Variants in ZNF438 observed in about 807,000 individuals in gnomAD.
ZNF438 encodes zinc finger protein 438.
A neutral mutation model predicts 38.0 loss-of-function variants in ZNF438; 25 were observed. The observed-to-expected ratio is 0.66, with a 90% CI of 0.48 to 0.92. The LOEUF (loss-of-function observed/expected upper bound fraction) is 0.92, where lower values mean the gene tolerates loss of function less well. Ranked by LOEUF, ZNF438 falls within the 40% of genes least tolerant of loss-of-function variation. ZNF438 has a pLI of 0.00. For missense variants in ZNF438, 1,007 were observed against 999.6 expected, an observed-to-expected ratio of 1.01 and a Z score of -0.10; for synonymous variants, 372 against 364.1, an observed-to-expected ratio of 1.02 and a Z score of -0.25.
Position 30,994,374 on chromosome 10 carries a change from T to C in ZNF438, c.-192+37459A>G, listed in dbSNP as rs544526925. Reference sequence around the variant, plus strand: ...GTACTTTTAAGAGGTGACTGGGTCATGAGGGTTCTGCTCTCATGAATGGAT... The same window carrying C: ...GTACTTTTAAGAGGTGACTGGGTCACGAGGGTTCTGCTCTCATGAATGGAT... On this transcript the variant is annotated intron_variant, in intron 1 of 5. Transcript: ENST00000413025. 1.4e-4 allele frequency among the ~76,000 whole-genome samples: 22 copies of C among 152,346 alleles called. No homozygotes were observed. In the East Asian group the frequency reaches 3.5e-3, roughly 24 times the overall value.
intron 2 of ZNF438, among the ~76,000 whole-genome samples, chr10:30,937,994 G>A (rs923565372): frequency 3.3e-5 from 5 of 152,056 alleles, no homozygotes; most frequent in African/African-American, 9.7e-5. Flanking sequence ...TCAGAACCAC[G>A]AGGGGAGCTT....
At chr10:30,907,485 T>C (rs905668724) in intron 3 of ZNF438, among the ~76,000 whole-genome samples, 34 of 152,194 alleles carry the variant, frequency 2.2e-4, no homozygotes, top group African/African-American at 7.5e-4. Flanking sequence ...TGAGGACATA[T>C]GGGCCTGGGT....
chr10:30,847,848 C>T (rs1178163185), intron 5 of ZNF438, among the ~76,000 whole-genome samples: 2 of 152,262 alleles, frequency 1.3e-5, no homozygotes, highest in Admixed American at 6.5e-5. Context: ...ACCCCACGCT[C>T]ACTCACACAT....
chr10:30,894,504 A>G (rs949613580), intron 3 of ZNF438, among the ~76,000 whole-genome samples: 2 of 152,182 alleles, frequency 1.3e-5, no homozygotes, highest in Non-Finnish European at 2.9e-5. Flanking sequence ...GGCTCATTTT[A>G]ATCCTTGTAA....
chr10:30,972,625 C>T (rs2050872256), intron 1 of ZNF438, among the ~76,000 whole-genome samples: 1 of 152,148 alleles, frequency 6.6e-6, no homozygotes. Context: ...CAGACTCAGC[C>T]TGGGCCCCTT....
At chr10:30,862,180 A>G (rs1164292789) in intron 4 of ZNF438, among the ~76,000 whole-genome samples, 1 of 152,216 alleles carries the variant, frequency 6.6e-6, no homozygotes, top group Non-Finnish European at 1.5e-5. Context: ...TTGCCGAGTC[A>G]GCTGTTTCTC....
chr10:30,998,989 G>A (rs1041698887), intron 1 of ZNF438, among the ~76,000 whole-genome samples: 1 of 152,032 alleles, frequency 6.6e-6, no homozygotes, highest in African/African-American at 2.4e-5. Context: ...ATCAGAAGAC[G>A]GAAAATCAAC....
chr10:30,871,842 C>T (rs551476474), intron 4 of ZNF438, among the ~76,000 whole-genome samples: 1 of 152,188 alleles, frequency 6.6e-6, no homozygotes, highest in African/African-American at 2.4e-5. Flanking sequence ...AGCTGTACAG[C>T]ACATGTCCAG....
chr10:30,946,090 C>A (rs1306006075), intron 1 of ZNF438, among the ~76,000 whole-genome samples: 1 of 150,484 alleles, frequency 6.6e-6, no homozygotes, highest in African/African-American at 2.5e-5. Flanking sequence ...TTAATGATTG[C>A]CATTCTAACT....
At chr10:31,006,693 A>G (rs748735072) in intron 1 of ZNF438, among the ~76,000 whole-genome samples, 13 of 137,510 alleles carry the variant, frequency 9.5e-5, no homozygotes, top group African/African-American at 3.5e-4. Flanking sequence ...GGGATCTGAC[A>G]CTCTCTCCAG....
chr10:31,003,067 G>A (rs927932228), intron 1 of ZNF438, among the ~76,000 whole-genome samples: 1 of 152,106 alleles, frequency 6.6e-6, no homozygotes, highest in African/African-American at 2.4e-5. Flanking sequence ...GAACACGTCT[G>A]ACTCCCATGG....
chr10:30,878,734 C>T (rs778135824), intron 3 of ZNF438, among the ~76,000 whole-genome samples: 3 of 152,160 alleles, frequency 2.0e-5, no homozygotes, highest in Non-Finnish European at 4.4e-5. Context: ...CTGGGGATCA[C>T]AGGCACTCCC....
At chr10:30,854,779 G>C (rs1057151054) in intron 4 of ZNF438, among the ~76,000 whole-genome samples, 8 of 152,108 alleles carry the variant, frequency 5.3e-5, no homozygotes, top group Non-Finnish European at 1.0e-4. Context: ...CACACAGAGA[G>C]GAAGAGTGGG....
intron 4 of ZNF438, among the ~76,000 whole-genome samples, chr10:30,876,744 G>C (rs1169477240): frequency 3.3e-5 from 5 of 152,168 alleles, no homozygotes; most frequent in African/African-American, 1.2e-4. Context: ...GCAGGGCTCT[G>C]TGAGTTTTGG....
chr10:31,017,503 A>T (rs560115759), intron 1 of ZNF438, among the ~76,000 whole-genome samples: 2 of 152,360 alleles, frequency 1.3e-5, no homozygotes, highest in African/African-American at 4.8e-5. Context: ...TAATCTCCTA[A>T]AAATTTCAAA....
At chr10:30,987,930 AT>A (rs1165319813) in intron 1 of ZNF438, among the ~76,000 whole-genome samples, 1 of 152,216 alleles carries the variant, frequency 6.6e-6, no homozygotes, top group Non-Finnish European at 1.5e-5. Context: ...TCAAGATTTA[AT>A]TTTTATGGCG....
intron 1 of ZNF438, among the ~76,000 whole-genome samples, chr10:31,026,674 A>T (rs2056965127): frequency 6.6e-6 from 1 of 152,154 alleles, no homozygotes; most frequent in South Asian, 2.1e-4. Flanking sequence ...ACTGTGGAAG[A>T]CAGTGTGGCG....
chr10:31,017,709 A>T (rs568033021), intron 1 of ZNF438, among the ~76,000 whole-genome samples: 19 of 152,310 alleles, frequency 1.2e-4, no homozygotes, highest in African/African-American at 4.6e-4. Flanking sequence ...CATCAGGAGG[A>T]TTATACCACT....
intron 3 of ZNF438, among the ~76,000 whole-genome samples, chr10:30,890,120 T>C (rs1395544959): frequency 6.7e-6 from 1 of 150,370 alleles, no homozygotes; most frequent in Admixed American, 6.6e-5. Context: ...AAAAGAAATG[T>C]ACTAGAATAT....
Sources: allele counts gnomAD v4.1 joint callset (sites outside exome capture counted in the v4.1 genomes callset), GRCh38; gene constraint gnomAD v4.1.1; transcripts MANE v1.5; gene names NCBI Gene and HGNC (gene_info 2026-07-23, HGNC 2026-07-21).